NXPH1: variants seen among roughly 807,000 people sequenced by gnomAD.
NXPH1 encodes neurexophilin-1.
Under a neutral mutation model 23.7 loss-of-function variants are expected in NXPH1, and 5 were observed. That is an observed-to-expected ratio of 0.21 (90% CI 0.11 to 0.44). The LOEUF (loss-of-function observed/expected upper bound fraction) is 0.44. Among genes scored for constraint, NXPH1 ranks in the 20% least tolerant of loss-of-function variants. NXPH1 has a pLI of 0.99. For synonymous variants in NXPH1, 144 were observed against 122.2 expected (o/e 1.18, Z -1.18); for missense variants, 324 against 321.6 (o/e 1.01, Z -0.06).
At chr7:8,657,514 G>T (rs902513379) in intron 2 of NXPH1, among the ~76,000 whole-genome samples, 1 of 152,156 alleles carries the variant, frequency 6.6e-6, no homozygotes, top group Admixed American at 6.5e-5. Flanking sequence ...GGCAGTCACT[G>T]GAGGAAGGGT....
rs369376390 is a variant in NXPH1 at position 8,674,198 on chromosome 7, CA to C, written c.55-76809del. 6.5e-3 allele frequency among the ~76,000 whole-genome samples: 931 copies of C among 143,822 alleles called. 2 individuals are homozygous for C. The highest frequency in any genetic ancestry group is 0.014 in the South Asian group (61 of 4,310). 94.4% of individuals were successfully genotyped at this position (143,822 alleles called of 152,430 possible). A position where few individuals can be genotyped will look rare whatever the true frequency, so the allele number is the denominator to read the frequency against. On this transcript the variant is annotated intron_variant, in intron 2 of 2. Transcript: ENST00000405863. ...ACACACACACACACACACACACACA[CA>C]CACACCTATGCAATTCAATCCTTGC...
intron 2 of NXPH1, among the ~76,000 whole-genome samples, chr7:8,678,567 G>A (rs1401268268): frequency 1.3e-5 from 2 of 152,104 alleles, no homozygotes; most frequent in Non-Finnish European, 2.9e-5. Context: ...AGCTATGCCA[G>A]TGTTCAGGGG....
At chr7:8,502,653 C>T (rs183633203) in intron 2 of NXPH1, among the ~76,000 whole-genome samples, 3 of 151,884 alleles carry the variant, frequency 2.0e-5, no homozygotes, top group East Asian at 2.0e-4. Context: ...GGAGCACTCA[C>T]TATGCCCAGG....
chr7:8,483,111 A>G (rs1817102214), intron 2 of NXPH1, among the ~76,000 whole-genome samples: 1 of 152,174 alleles, frequency 6.6e-6, no homozygotes, highest in Admixed American at 6.5e-5. Flanking sequence ...CTAGACTTAC[A>G]GTAACAGTTA....
intron 2 of NXPH1, among the ~76,000 whole-genome samples, chr7:8,464,024 C>T (rs1041739370): frequency 1.3e-5 from 2 of 152,082 alleles, no homozygotes; most frequent in South Asian, 2.1e-4. Flanking sequence ...CCTCTTCCTC[C>T]TCCTCCTTTT....
chr7:8,637,576 G>T (rs1488020787), intron 2 of NXPH1, among the ~76,000 whole-genome samples: 1 of 152,058 alleles, frequency 6.6e-6, no homozygotes, highest in African/African-American at 2.4e-5. Context: ...GGCTGTCCCT[G>T]ATTAACCTGC....
intron 2 of NXPH1, among the ~76,000 whole-genome samples, chr7:8,535,827 A>C (rs1181160452): frequency 6.6e-6 from 1 of 152,022 alleles, no homozygotes; most frequent in African/African-American, 2.4e-5. Flanking sequence ...AAGGTGGTTG[A>C]TGTGAAAATA....
At chr7:8,734,088 A>C (rs1054078247) in intron 2 of NXPH1, among the ~76,000 whole-genome samples, 2 of 152,218 alleles carry the variant, frequency 1.3e-5, no homozygotes, top group Non-Finnish European at 2.9e-5. Flanking sequence ...TGTTTTCTGC[A>C]TATGGCTAGC....
chr7:8,485,168 A>G (rs1176303485), intron 2 of NXPH1, among the ~76,000 whole-genome samples: 1 of 152,096 alleles, frequency 6.6e-6, no homozygotes, highest in East Asian at 1.9e-4. Context: ...TCTCTTTGTG[A>G]TAGTGAATGA....
chr7:8,472,909 T>C (rs1816891944), intron 2 of NXPH1, among the ~76,000 whole-genome samples: 1 of 152,294 alleles, frequency 6.6e-6, no homozygotes, highest in South Asian at 2.1e-4. Flanking sequence ...GGAAAAGCCA[T>C]TACTGTTCTG....
chr7:8,496,305 C>T (rs1480311133), intron 2 of NXPH1, among the ~76,000 whole-genome samples: 1 of 151,972 alleles, frequency 6.6e-6, no homozygotes, highest in Non-Finnish European at 1.5e-5. Flanking sequence ...AATCCAGAAG[C>T]CAGGCATGTT....
intron 2 of NXPH1, among the ~76,000 whole-genome samples, chr7:8,739,675 T>G (rs1486277367): frequency 1.3e-5 from 2 of 152,184 alleles, no homozygotes; most frequent in African/African-American, 4.8e-5. Flanking sequence ...CTTTATAAAC[T>G]TTTAATTTTT....
intron 2 of NXPH1, among the ~76,000 whole-genome samples, chr7:8,489,275 G>A (rs542674869): frequency 1.3e-5 from 2 of 152,114 alleles, no homozygotes; most frequent in South Asian, 2.1e-4. Flanking sequence ...TTCTCATATC[G>A]AAAAGGACCC....
intron 2 of NXPH1, among the ~76,000 whole-genome samples, chr7:8,656,015 T>C (rs1053876351): frequency 6.6e-6 from 1 of 152,218 alleles, no homozygotes; most frequent in Non-Finnish European, 1.5e-5. Flanking sequence ...GGAAGGCATT[T>C]AATATTGCAT....
At chr7:8,656,733 C>T (rs539748056) in intron 2 of NXPH1, among the ~76,000 whole-genome samples, 2 of 151,710 alleles carry the variant, frequency 1.3e-5, no homozygotes, top group Non-Finnish European at 2.9e-5. Flanking sequence ...GTGATGTTCC[C>T]CTTCCTGTGT....
intron 2 of NXPH1, among the ~76,000 whole-genome samples, chr7:8,548,443 A>T (rs1818228129): frequency 6.6e-6 from 1 of 151,576 alleles, no homozygotes; most frequent in African/African-American, 2.4e-5. Flanking sequence ...TTTCTTCCAG[A>T]TATCAAAACT....
At chr7:8,705,864 G>T (rs1176913370) in intron 2 of NXPH1, among the ~76,000 whole-genome samples, 5 of 152,038 alleles carry the variant, frequency 3.3e-5, no homozygotes, top group African/African-American at 1.2e-4. Flanking sequence ...CACAAATCTT[G>T]GTTAGCTTAT....
chr7:8,526,564 A>G (rs181078172), intron 2 of NXPH1, among the ~76,000 whole-genome samples: 1 of 152,326 alleles, frequency 6.6e-6, no homozygotes, highest in African/African-American at 2.4e-5. Context: ...TGTATCTCAC[A>G]TAATTCCCAC....
intron 2 of NXPH1, among the ~76,000 whole-genome samples, chr7:8,626,309 A>C (rs1455201152): frequency 6.6e-6 from 1 of 152,134 alleles, no homozygotes; most frequent in African/African-American, 2.4e-5. Flanking sequence ...GTCTATTCCA[A>C]ACTGCAACTT....
Sources: allele counts gnomAD v4.1 joint callset (sites outside exome capture counted in the v4.1 genomes callset), GRCh38; gene constraint gnomAD v4.1.1; transcripts MANE v1.5; gene names NCBI Gene and HGNC (gene_info 2026-07-23, HGNC 2026-07-21).